Variants in SYTL2 observed in about 807,000 individuals in gnomAD.
SYTL2 encodes the protein synaptotagmin like 2, also known as synaptotagmin-like protein 2.
A neutral mutation model predicts 198.7 loss-of-function variants in SYTL2; 165 were observed. That is an observed-to-expected ratio of 0.83 (90% CI 0.73 to 0.94). The LOEUF (loss-of-function observed/expected upper bound fraction) is 0.94. Among genes scored for constraint, SYTL2 ranks in the 40% least tolerant of loss-of-function variants. The pLI, the probability that SYTL2 is intolerant of heterozygous loss-of-function variation, is 0.00. For missense variants in SYTL2, 2,835 were observed against 2,582.8 expected, an observed-to-expected ratio of 1.10 and a Z score of -2.12; for synonymous variants, 966 against 917.7, an observed-to-expected ratio of 1.05 and a Z score of -0.95.
chr11:85,717,843 C>T lies in SYTL2; in HGVS notation c.5483-313G>A, dbSNP rs1376620039. On this transcript the variant is annotated intron_variant, in intron 10 of 19. Transcript: ENST00000359152. ...ATGAAGCTGAGATTCTATTTCCTGC[C>T]CTCCCAGTGACTGACTAACTATAGG... 9.8e-6 allele frequency: 4 copies of T among 409,548 alleles called. No individual in the cohort carries two copies. The Admixed American group carries it at 1.3e-4, about 13-fold the overall frequency. 25.4% of individuals were successfully genotyped at this position (409,548 alleles called of 1,614,324 possible).
At chr11:85,784,417 A>G (rs2092606277) in intron 1 of SYTL2, among the ~76,000 whole-genome samples, 1 of 152,198 alleles carries the variant, frequency 6.6e-6, no homozygotes, top group Admixed American at 6.5e-5. Flanking sequence ...GCAAAAAAGA[A>G]TAAGTAAAAT....
intron 1 of SYTL2, among the ~76,000 whole-genome samples, chr11:85,780,293 T>C (rs1040972019): frequency 2.0e-5 from 3 of 152,234 alleles, no homozygotes; most frequent in Non-Finnish European, 4.4e-5. Flanking sequence ...TTTGTTCTCT[T>C]TTCCTGGTAC....
chr11:85,789,988 T>A (rs1009900469), intron 1 of SYTL2, among the ~76,000 whole-genome samples: 3 of 151,896 alleles, frequency 2.0e-5, no homozygotes, highest in African/African-American at 7.3e-5. Flanking sequence ...GATTTTTGGA[T>A]TTTTTTTCAG....
chr11:85,808,210 G>C (rs2092985415), intron 1 of SYTL2, among the ~76,000 whole-genome samples: 2 of 152,046 alleles, frequency 1.3e-5, no homozygotes, highest in South Asian at 4.2e-4. Context: ...GGGACTACAG[G>C]CGCATGCCAC....
At chr11:85,747,520 G>T (rs2091237252) in intron 3 of SYTL2, among the ~76,000 whole-genome samples, 1 of 152,034 alleles carries the variant, frequency 6.6e-6, no homozygotes, top group Non-Finnish European at 1.5e-5. Flanking sequence ...GTGGGTTTTT[G>T]GTTGGTTGGC....
At chr11:85,711,069 C>G in intron 13 of SYTL2, 44 bp downstream of exon 13, 1 of 1,602,974 alleles carries the variant, frequency 6.2e-7, no homozygotes, top group Non-Finnish European at 8.5e-7. Flanking sequence ...GAGCAAGGTT[C>G]AGAGACGCGG....
At position 85,737,594 on chromosome 11, in the gene SYTL2, G is replaced by A. The variant is rs866728491; in HGVS notation, c.452C>T (p.Pro151Leu). The change falls in exon 5 of 20, where the codon CCA becomes CTA. Residue 151 changes from proline (P) to leucine (L), a missense_variant. Coordinates refer to ENST00000359152, the MANE Select transcript of SYTL2 (RefSeq NM_206927.4). ...IDMSQENTRK[P>L]NVSPEKQRKN... ...GTCTACCTTCTCTGGAGACACATTTGGTTTCCTTGTGTTTTCCTGGGACAT... is the reference window on the plus strand; with the variant it reads ...GTCTACCTTCTCTGGAGACACATTTAGTTTCCTTGTGTTTTCCTGGGACAT... The A allele has an allele frequency of 6.2e-7, 1 of 1,613,626 alleles. No individual in the cohort carries two copies. Among genetic ancestry groups the A allele is most frequent in the Non-Finnish European group, 8.5e-7 (1 of 1,179,622 alleles).
At chr11:85,815,060 C>T (rs929467925), upstream of SYTL2, among the ~76,000 whole-genome samples, 2 of 152,138 alleles carry the variant, frequency 1.3e-5, no homozygotes, top group Non-Finnish European at 1.5e-5. Context: ...TTTCTTCTTA[C>T]CACCTCCATC....
chr11:85,720,303 A>C (rs1422388188), intron 9 of SYTL2, among the ~76,000 whole-genome samples: 4 of 152,240 alleles, frequency 2.6e-5, no homozygotes, highest in Non-Finnish European at 5.9e-5. Context: ...CAACGCTGTC[A>C]TATATAATGT....
chr11:85,704,336 C>T (rs959099463), intron 16 of SYTL2, among the ~76,000 whole-genome samples: 1 of 151,824 alleles, frequency 6.6e-6, no homozygotes, highest in Non-Finnish European at 1.5e-5. Flanking sequence ...GAAAATATAA[C>T]AATTACAGTT....
At chr11:85,821,024 T>C in the SYTL2 span, among the ~76,000 whole-genome samples, 2 of 152,246 alleles carry the variant, frequency 1.3e-5, no homozygotes, top group African/African-American at 2.4e-5. Flanking sequence ...GAGCCAGGCA[T>C]GAAGTCTGTC....
intron 1 of SYTL2, among the ~76,000 whole-genome samples, chr11:85,780,916 T>C (rs1055842211): frequency 6.6e-6 from 1 of 152,188 alleles, no homozygotes; most frequent in Non-Finnish European, 1.5e-5. Context: ...AGTTAGGCAA[T>C]GTCAGAATTG....
At chr11:85,852,978 C>G in the SYTL2 span, 1,393 of 319,838 alleles carry the variant, frequency 4.4e-3, 21 homozygotes, top group African/African-American at 0.032. Flanking sequence ...GCCCCTCCGC[C>G]CAGCAGCCGC....
At chr11:85,780,573 T>C (rs1014675052) in intron 1 of SYTL2, among the ~76,000 whole-genome samples, 4 of 152,196 alleles carry the variant, frequency 2.6e-5, no homozygotes, top group Admixed American at 6.5e-5. Context: ...CCCAAAGGGA[T>C]TGGGTTTGAA....
intron 12 of SYTL2, among the ~76,000 whole-genome samples, chr11:85,713,972 A>ATATG (rs2086741977): frequency 6.6e-6 from 1 of 152,154 alleles, no homozygotes; most frequent in South Asian, 2.1e-4. Flanking sequence ...ATTAAATGAT[A>ATATG]TATGTAAAGT....
Position 85,726,618 on chromosome 11 carries a change from A to T in SYTL2, c.2740T>A (p.Ser914Thr). Residue 914 changes from serine to threonine, a missense_variant, in exon 8 of 20, where the codon TCA becomes ACA. Ser to Thr is a moderately conservative substitution (Grantham distance 58). Around this residue, in one of 3 missense-constraint regions of SYTL2, gnomAD observed 2,645 missense variants for 2,381.7 expected, o/e 1.11. Coordinates refer to ENST00000359152, the MANE Select transcript of SYTL2 (RefSeq NM_206927.4). ...GAAGGCAAACTGTCTGCCACTTGTG[A>T]TCTTTTTATAGGCTCATTTTTCTTA... Reference protein sequence around the residue: ...QNKKNEPIKRSQVADSLPSRR... With the variant: ...QNKKNEPIKRTQVADSLPSRR... The T allele has an allele frequency of 6.5e-7, 1 of 1,543,632 alleles. No homozygotes were observed. The highest frequency in any genetic ancestry group is 1.2e-5 in the South Asian group (1 of 85,476).
chr11:85,823,373 G>A, the SYTL2 span, among the ~76,000 whole-genome samples: 1 of 152,272 alleles, frequency 6.6e-6, no homozygotes, highest in Non-Finnish European at 1.5e-5. Context: ...TAAAATTCAA[G>A]ATTTTAGTAG....
Position 85,724,644 on chromosome 11 carries a change from G to A in SYTL2, c.4714C>T (p.Leu1572Phe), listed in dbSNP as rs1235703456. Residue 1572 changes from leucine to phenylalanine, a missense_variant, in exon 8 of 20, where the codon CTT becomes TTT. By Grantham distance (22) the Leu-to-Phe change is conservative (BLOSUM62 0). Coordinates refer to ENST00000359152, the MANE Select transcript of SYTL2 (RefSeq NM_206927.4). ...GGAGGAGCTTCAGTTATTTCTTTAA[G>A]AAGTTTCTCAAAACCAGCATCAAAA... is the stretch of plus-strand genomic sequence containing the variant. The part of the protein sequence containing the change: ...SAFDAGFEKL[L>F]KEITEAPPYQ... 6.2e-7 allele frequency: 1 copy of A among 1,613,384 alleles called. No homozygotes were observed. Among genetic ancestry groups the A allele is most frequent in the African/African-American group, 1.3e-5 (1 of 74,904 alleles).
At chr11:85,705,876 A>C (rs1565862889) in intron 15 of SYTL2, among the ~76,000 whole-genome samples, 1 of 152,192 alleles carries the variant, frequency 6.6e-6, no homozygotes, top group Non-Finnish European at 1.5e-5. Flanking sequence ...CTGTAATTAA[A>C]AACTTGGTAC....
Sources: gnomAD v4.1 joint callset for allele counts (sites outside exome capture counted in the v4.1 genomes callset) on GRCh38, gnomAD v4.1.1 for gene constraint, gnomAD v4.1.1 regional missense constraint, MANE v1.5 for transcripts, NCBI Gene and HGNC (gene_info 2026-07-23, HGNC 2026-07-21) for gene names.